DNAH12: variants seen among roughly 807,000 people sequenced by gnomAD.
DNAH12 encodes dynein axonemal heavy chain 12, also known as axonemal beta dynein heavy chain 12.
Under a neutral mutation model 371.5 loss-of-function variants are expected in DNAH12, and 285 were observed. That is an observed-to-expected ratio of 0.77 (90% CI 0.70 to 0.85). The LOEUF (loss-of-function observed/expected upper bound fraction) is 0.85. Among genes scored for constraint, DNAH12 ranks in the 40% least tolerant of loss-of-function variants. The pLI is 0.00. For missense variants in DNAH12, 3,611 were observed against 3,689.4 expected, an observed-to-expected ratio of 0.98 and a Z score of 0.55; for synonymous variants, 1,200 against 1,213.0, an observed-to-expected ratio of 0.99 and a Z score of 0.22.
chr3:57,392,724 A>C (rs1184158862), intron 44 of DNAH12, among the ~76,000 whole-genome samples: 3 of 152,264 alleles, frequency 2.0e-5, no homozygotes, highest in Non-Finnish European at 4.4e-5. Context: ...TAAAAAATAA[A>C]GATGTATATA....
intron 70 of DNAH12, among the ~76,000 whole-genome samples, chr3:57,297,630 A>G (rs556662627): frequency 1.4e-4 from 22 of 152,196 alleles, no homozygotes; most frequent in South Asian, 8.3e-4. Context: ...TCCTGGGATC[A>G]CAGGTGTGAG....
chr3:57,333,694 G>A (rs1052896065), intron 62 of DNAH12, among the ~76,000 whole-genome samples: 5 of 152,154 alleles, frequency 3.3e-5, no homozygotes, highest in Admixed American at 6.5e-5. Flanking sequence ...AAGACATCGT[G>A]GGGCTGGATT....
At chr3:57,494,307 C>A (rs1395304798) in intron 11 of DNAH12, among the ~76,000 whole-genome samples, 1 of 151,936 alleles carries the variant, frequency 6.6e-6, no homozygotes, top group African/African-American at 2.4e-5. Context: ...AATCCTGGCA[C>A]TTTAGGAGGC....
intron 58 of DNAH12, among the ~76,000 whole-genome samples, chr3:57,360,339 T>C (rs1031713148): frequency 2.0e-5 from 3 of 151,896 alleles, no homozygotes; most frequent in Admixed American, 6.6e-5. Flanking sequence ...ATGATTACCA[T>C]CACATTCATG....
upstream of DNAH12, chr3:57,544,420 T>C (rs549549592): frequency 1.3e-5 from 2 of 152,292 alleles, no homozygotes; most frequent in African/African-American, 2.4e-5. Flanking sequence ...TGGGTGAAGG[T>C]TGCCTGGAGA....
Position 57,395,065 on chromosome 3 carries a change from G to A in DNAH12, c.6949-733C>T, listed in dbSNP as rs2063708951. 3.9e-5 allele frequency among the ~76,000 whole-genome samples: 6 copies of A among 152,096 alleles called. No homozygotes were observed. In the South Asian group the frequency reaches 1.2e-3, roughly 32 times the overall value. On this transcript the variant is annotated intron_variant, in intron 43 of 73. Coordinates refer to ENST00000495027, the MANE Select transcript of DNAH12 (RefSeq NM_001366028.2). ...AAATATAATTATATTTAAAAGGGAG[G>A]TAAATGCGTAAATATCATCATCTCC...
chr3:57,550,616 G>A, the DNAH12 span, among the ~76,000 whole-genome samples: 2 of 151,226 alleles, frequency 1.3e-5, no homozygotes, highest in African/African-American at 4.9e-5. Flanking sequence ...GGGTTCAAGC[G>A]ATTCTCCTGC....
At chr3:57,337,630 G>A (rs1176601168) in intron 60 of DNAH12, among the ~76,000 whole-genome samples, 1 of 152,154 alleles carries the variant, frequency 6.6e-6, no homozygotes, top group Non-Finnish European at 1.5e-5. Flanking sequence ...TTGCACTCCA[G>A]CCTGGGCAAG....
chr3:57,346,657 C>G (rs1472233741), intron 60 of DNAH12, among the ~76,000 whole-genome samples: 1 of 152,082 alleles, frequency 6.6e-6, no homozygotes, highest in African/African-American at 2.4e-5. Context: ...AATTAAAAGA[C>G]AGGTTGTCAG....
At chr3:57,329,822 A>G (rs951088008) in intron 62 of DNAH12, among the ~76,000 whole-genome samples, 2 of 152,032 alleles carry the variant, frequency 1.3e-5, no homozygotes, top group African/African-American at 4.8e-5. Flanking sequence ...ATCTGACAAA[A>G]GGCTAATATC....
At chr3:57,433,917 TTAC>T (rs1339079795) in intron 30 of DNAH12, 89 bp from the exon 31 acceptor site, 18 of 1,107,386 alleles carry the variant, frequency 1.6e-5, no homozygotes, top group East Asian at 3.0e-5. Flanking sequence ...CCTGTGATAA[TTAC>T]TACTTATAAT....
Position 57,351,859 on chromosome 3 carries a change from T to C in DNAH12, c.9674+226A>G, listed in dbSNP as rs180996803. Among the ~76,000 whole-genome samples, 145 of 152,288 alleles carry C rather than the reference T, an allele frequency of 9.5e-4. 1 individual carries two copies. Among genetic ancestry groups the C allele is most frequent in the African/African-American group, 3.4e-3 (140 of 41,570 alleles). On this transcript the variant is annotated intron_variant, in intron 60 of 73. Transcript: ENST00000495027. ...CAGATCCTCCCTTTGTAAGAATTTG[T>C]TGAACTGTACATTAATACTCTGTGA...
intron 37 of DNAH12, among the ~76,000 whole-genome samples, chr3:57,415,992 T>C (rs994410127): frequency 3.3e-5 from 5 of 152,032 alleles, no homozygotes; most frequent in Non-Finnish European, 7.4e-5. Context: ...TTCACCGTGT[T>C]GGCCAGGCTG....
intron 60 of DNAH12, among the ~76,000 whole-genome samples, chr3:57,344,626 C>T (rs1474074370): frequency 6.6e-6 from 1 of 152,140 alleles, no homozygotes; most frequent in Admixed American, 6.5e-5. Flanking sequence ...AGAATGAAAA[C>T]TTCTCATTTG....
intron 4 of DNAH12, among the ~76,000 whole-genome samples, chr3:57,513,651 C>T (rs1292397302): frequency 1.3e-5 from 2 of 152,082 alleles, no homozygotes; most frequent in South Asian, 2.1e-4. Flanking sequence ...TATAAACTAA[C>T]ATTTCACAAT....
At chr3:57,431,038 G>T (rs2064940103) in intron 32 of DNAH12, among the ~76,000 whole-genome samples, 1 of 152,178 alleles carries the variant, frequency 6.6e-6, no homozygotes, top group Admixed American at 6.5e-5. Flanking sequence ...AACACAGATA[G>T]TTGCAGTATT....
chr3:57,430,465 T>C (rs1047103239), intron 32 of DNAH12, among the ~76,000 whole-genome samples: 1 of 143,232 alleles, frequency 7.0e-6, no homozygotes, highest in Admixed American at 6.7e-5. Context: ...CAAAATTCAA[T>C]CAAAGACTAT....
At chr3:57,520,060 G>A in intron 4 of DNAH12, 1 of 611,292 alleles carries the variant, frequency 1.6e-6, no homozygotes. Flanking sequence ...AAAGCCGGAG[G>A]CTGTGGCGGC....
chr3:57,463,733 G>C (rs923488461), intron 17 of DNAH12, among the ~76,000 whole-genome samples: 3 of 152,028 alleles, frequency 2.0e-5, no homozygotes, highest in African/African-American at 7.2e-5. Flanking sequence ...TTTTAAATAA[G>C]TGAAGTTTTA....
Sources: allele counts gnomAD v4.1 joint callset (sites outside exome capture counted in the v4.1 genomes callset), GRCh38; gene constraint gnomAD v4.1.1; transcripts MANE v1.5; gene names NCBI Gene and HGNC (gene_info 2026-07-23, HGNC 2026-07-21).